The following SLC16A7 variants were observed in gnomAD, a reference collection of about 807,000 sequenced individuals.
SLC16A7 encodes solute carrier family 16 member 7, also known as monocarboxylate transporter 2.
In SLC16A7, 33 loss-of-function variants were observed where a neutral mutation model predicts 34.9. The ratio of observed to expected loss-of-function variants is 0.94; its 90% confidence interval spans 0.72 to 1.26. The LOEUF is 1.26. Ranked by LOEUF, SLC16A7 falls within the 50% of genes most tolerant of loss-of-function variation. The probability of loss-of-function intolerance (pLI) is 0.00; values close to 1 mark genes in which losing one functional copy is unlikely to be tolerated. For missense variants in SLC16A7, 573 were observed against 578.1 expected (o/e 0.99, Z 0.09); for synonymous variants, 201 against 206.6 (o/e 0.97, Z 0.23).
intron 3 of SLC16A7, among the ~76,000 whole-genome samples, chr12:59,713,373 A>G (rs545490620): frequency 6.6e-6 from 1 of 152,114 alleles, no homozygotes; most frequent in Non-Finnish European, 1.5e-5. Flanking sequence ...CTCTTCCTCA[A>G]CAACATATTA....
intron 3 of SLC16A7, among the ~76,000 whole-genome samples, chr12:59,765,775 C>T (rs1297244242): frequency 2.0e-5 from 3 of 152,136 alleles, no homozygotes; most frequent in Non-Finnish European, 2.9e-5. Flanking sequence ...GTGATGCCTC[C>T]AGCTGTGTTC....
chr12:59,700,010 T>A (rs12231378), intron 2 of SLC16A7, among the ~76,000 whole-genome samples: 35,740 of 151,538 alleles, frequency 0.24, 4,323 homozygotes, highest in African/African-American at 0.26. Context: ...TTTCTAGCAT[T>A]CCTCAGTACA....
intron 1 of SLC16A7, among the ~76,000 whole-genome samples, chr12:59,601,669 CAG>C (rs564417536): frequency 1.1e-3 from 167 of 152,126 alleles, no homozygotes; most frequent in Non-Finnish European, 2.0e-3. Flanking sequence ...TTATGAACAA[CAG>C]AAATTTATTT....
chr12:59,602,826 A>ATCTGC (rs1878753344), intron 1 of SLC16A7, among the ~76,000 whole-genome samples: 1 of 152,042 alleles, frequency 6.6e-6, no homozygotes, highest in Non-Finnish European at 1.5e-5. Context: ...GACAAAGCTC[A>ATCTGC]TCTGCTCTGG....
chr12:59,762,567 T>C (rs1268094050), intron 3 of SLC16A7, among the ~76,000 whole-genome samples: 3 of 152,138 alleles, frequency 2.0e-5, no homozygotes, highest in Non-Finnish European at 4.4e-5. Flanking sequence ...GTCTAAAAAT[T>C]TCTTTTGAAT....
Position 59,788,874 on chromosome 12 carries a change from A to G in SLC16A7, c.*9195A>G, listed in dbSNP as rs2137522251. On this transcript the variant is annotated 3_prime_UTR_variant, in exon 6 of 6. Coordinates refer to ENST00000547379, the MANE Select transcript of SLC16A7 (RefSeq NM_001270623.2). ...TATTTTACGTTGTTGATCATTTTTA[A>G]AGTATATTTTGTTCAAATATTCCTA... is the stretch of plus-strand genomic sequence containing the variant. 1 of 152,214 alleles carries G rather than the reference A, an allele frequency of 6.6e-6. No homozygotes were observed. The highest frequency in any genetic ancestry group is 1.9e-4 in the East Asian group (1 of 5,194). The allele number at this position is 152,214 out of a possible 1,614,324, so 9.4% of individuals were successfully genotyped here.
At chr12:59,624,676 A>AT (rs1339818208) in intron 1 of SLC16A7, among the ~76,000 whole-genome samples, 3 of 151,272 alleles carry the variant, frequency 2.0e-5, no homozygotes, top group African/African-American at 7.3e-5. Context: ...TGCAGGTGAT[A>AT]TTTTTTGTTC....
At chr12:59,766,638 G>A (rs1881667720) in intron 3 of SLC16A7, among the ~76,000 whole-genome samples, 1 of 152,112 alleles carries the variant, frequency 6.6e-6, no homozygotes, top group Admixed American at 6.5e-5. Flanking sequence ...TACGTTTATT[G>A]GTTTTTGTAT....
At chr12:59,770,689 G>A (rs1038525184) in intron 3 of SLC16A7, among the ~76,000 whole-genome samples, 2 of 152,100 alleles carry the variant, frequency 1.3e-5, no homozygotes, top group Admixed American at 1.3e-4. Context: ...AATATGATAG[G>A]ATGTGAAAAC....
At chr12:59,729,064 T>G (rs952491291) in intron 3 of SLC16A7, among the ~76,000 whole-genome samples, 1 of 152,216 alleles carries the variant, frequency 6.6e-6, no homozygotes, top group Admixed American at 6.5e-5. Flanking sequence ...GTGGTGCCAT[T>G]AAGTTGGGTG....
At chr12:59,755,337 A>T (rs1399847735) in intron 3 of SLC16A7, among the ~76,000 whole-genome samples, 1 of 152,196 alleles carries the variant, frequency 6.6e-6, no homozygotes, top group Non-Finnish European at 1.5e-5. Flanking sequence ...AAATGACATG[A>T]TTGTATACCT....
chr12:59,702,498 A>G (rs1472092531), intron 2 of SLC16A7, among the ~76,000 whole-genome samples: 1 of 152,074 alleles, frequency 6.6e-6, no homozygotes, highest in Admixed American at 6.6e-5. Context: ...TGATTTTAGC[A>G]ATTTTAGCAT....
intron 1 of SLC16A7, among the ~76,000 whole-genome samples, chr12:59,619,408 C>T (rs568690788): frequency 3.9e-5 from 6 of 152,000 alleles, no homozygotes; most frequent in Admixed American, 1.3e-4. Flanking sequence ...ATACAGTGAC[C>T]TCATCACCTT....
At chr12:59,597,285 G>A (rs1878466681) in intron 1 of SLC16A7, 1 of 148,974 alleles carries the variant, frequency 6.7e-6, no homozygotes, top group Non-Finnish European at 1.5e-5. Flanking sequence ...CATAGAAGAG[G>A]AAACGAGGAG....
chr12:59,599,001 CTGG>C (rs1311483178), intron 1 of SLC16A7, among the ~76,000 whole-genome samples: 2 of 152,202 alleles, frequency 1.3e-5, no homozygotes, highest in Non-Finnish European at 2.9e-5. Context: ...GCTTATTCAG[CTGG>C]TACAGTTAGT....
At chr12:59,680,482 C>A (rs530717600) in intron 2 of SLC16A7, among the ~76,000 whole-genome samples, 82 of 152,236 alleles carry the variant, frequency 5.4e-4, no homozygotes, top group African/African-American at 1.8e-3. Flanking sequence ...TCTTTAGCCT[C>A]TACTCTTCAG....
At chr12:59,677,473 G>A (rs2137065535) in intron 2 of SLC16A7, among the ~76,000 whole-genome samples, 1 of 152,244 alleles carries the variant, frequency 6.6e-6, no homozygotes, top group South Asian at 2.1e-4. Flanking sequence ...AATGGTTTCA[G>A]TGAGTCTTTC....
intron 1 of SLC16A7, among the ~76,000 whole-genome samples, chr12:59,597,515 A>G (rs1376989326): frequency 2.6e-5 from 4 of 152,276 alleles, no homozygotes; most frequent in East Asian, 3.9e-4. Flanking sequence ...AGAGGGTTGC[A>G]AACTTTCCAC....
At chr12:59,619,781 T>G (rs944614083) in intron 1 of SLC16A7, among the ~76,000 whole-genome samples, 1 of 151,990 alleles carries the variant, frequency 6.6e-6, no homozygotes, top group Non-Finnish European at 1.5e-5. Flanking sequence ...ATGGGACATA[T>G]GTTCTAAATA....
Sources: gnomAD v4.1 joint callset for allele counts (sites outside exome capture counted in the v4.1 genomes callset) on GRCh38, gnomAD v4.1.1 for gene constraint, MANE v1.5 for transcripts, NCBI Gene and HGNC (gene_info 2026-07-23, HGNC 2026-07-21) for gene names.